ICA1: variants seen among roughly 807,000 people sequenced by gnomAD.
ICA1 encodes the protein islet cell autoantigen 1, also known as 69 kDa islet cell autoantigen.
In ICA1, 40 loss-of-function variants were observed where a neutral mutation model predicts 71.0. The ratio of observed to expected loss-of-function variants is 0.56; its 90% CI spans 0.44 to 0.73. The LOEUF (loss-of-function observed/expected upper bound fraction) is 0.73, where lower values mean the gene tolerates loss of function less well. Ranked by LOEUF, ICA1 falls within the 30% of genes least tolerant of loss-of-function variation. The pLI is 0.00. For synonymous variants in ICA1, 207 were observed against 209.5 expected, an observed-to-expected ratio of 0.99 and a Z score of 0.10; for missense variants, 578 against 576.5, an observed-to-expected ratio of 1.00 and a Z score of -0.03.
chr7:8,235,505 C>T (rs1417366772), intron 2 of ICA1, among the ~76,000 whole-genome samples: 9 of 152,144 alleles, frequency 5.9e-5, no homozygotes, highest in Non-Finnish European at 1.3e-4. Context: ...AAGCACGAGT[C>T]GTGTGTGGTT....
At chr7:8,169,259 A>AT (rs1238939003) in intron 6 of ICA1, among the ~76,000 whole-genome samples, 1 of 152,054 alleles carries the variant, frequency 6.6e-6, no homozygotes, top group African/African-American at 2.4e-5. Flanking sequence ...TTGTACATCA[A>AT]TTTTTTGGCT....
At chr7:8,236,599 C>T (rs1053884490) in intron 1 of ICA1, among the ~76,000 whole-genome samples, 25 of 152,156 alleles carry the variant, frequency 1.6e-4, no homozygotes, top group African/African-American at 6.0e-4. Flanking sequence ...ATTTTAAAAC[C>T]CCAAATAAAA....
chr7:8,206,986 C>A (rs1394894981), intron 6 of ICA1, among the ~76,000 whole-genome samples: 1 of 152,162 alleles, frequency 6.6e-6, no homozygotes, highest in Non-Finnish European at 1.5e-5. Flanking sequence ...CTGAGTCCCA[C>A]TTCTAGTGGT....
chr7:8,190,049 T>C (rs1785100543), intron 6 of ICA1, among the ~76,000 whole-genome samples: 1 of 152,208 alleles, frequency 6.6e-6, no homozygotes. Context: ...CTGAGTAATA[T>C]TATGCAGTAG....
chr7:8,164,060 C>G (rs1166560978), intron 6 of ICA1, among the ~76,000 whole-genome samples: 3 of 151,948 alleles, frequency 2.0e-5, no homozygotes, highest in Non-Finnish European at 4.4e-5. Context: ...GTAATCCGCA[C>G]TTTGGGAGCT....
At chr7:8,198,390 G>A (rs1485471905) in intron 6 of ICA1, among the ~76,000 whole-genome samples, 2 of 152,248 alleles carry the variant, frequency 1.3e-5, no homozygotes, top group South Asian at 2.1e-4. Context: ...GCTGAAAATA[G>A]TGTGAATTAA....
chr7:8,139,235 C>G (rs1426130114), intron 10 of ICA1, among the ~76,000 whole-genome samples, 188 bp from the exon 11 acceptor site: 2 of 152,184 alleles, frequency 1.3e-5, no homozygotes, highest in Non-Finnish European at 2.9e-5. Context: ...AAATTAACAG[C>G]CCTGAATCTT....
Position 8,164,642 on chromosome 7 carries a change from G to C in ICA1, c.580-5990C>G, listed in dbSNP as rs115970391. On this transcript the variant is annotated intron_variant, in intron 6 of 13. Transcript: ENST00000402384. ...TACTCCTCCGTCATTAACTGGATCT[G>C]TTCACCCCTATTTTCCCCTGAGGCA... 7.0e-3 allele frequency among the ~76,000 whole-genome samples: 1,070 copies of C among 152,290 alleles called. 18 individuals are homozygous for C. Among genetic ancestry groups the C allele is most frequent in the African/African-American group, 0.025 (1,038 of 41,548 alleles).
intron 6 of ICA1, among the ~76,000 whole-genome samples, chr7:8,212,328 G>A (rs1794059335): frequency 1.3e-5 from 2 of 152,152 alleles, no homozygotes; most frequent in South Asian, 4.1e-4. Flanking sequence ...ACTTTGGGAG[G>A]CCAAGGTGGG....
chr7:8,160,035 G>A (rs967098443), intron 6 of ICA1, among the ~76,000 whole-genome samples: 8 of 152,168 alleles, frequency 5.3e-5, no homozygotes, highest in African/African-American at 1.9e-4. Context: ...CCATGTCTAC[G>A]TTGTTCATCA....
intron 1 of ICA1, chr7:8,237,004 TC>T (rs1453009609): frequency 1.3e-5 from 2 of 152,226 alleles, no homozygotes; most frequent in African/African-American, 4.8e-5. Flanking sequence ...ATTAAAGCTT[TC>T]CTAGGCTATT....
chr7:8,235,241 TAAAG>T (rs1801481769), intron 2 of ICA1, among the ~76,000 whole-genome samples: 1 of 152,160 alleles, frequency 6.6e-6, no homozygotes, highest in Non-Finnish European at 1.5e-5. Flanking sequence ...TGATACAAAT[TAAAG>T]AAAATAAAAG....
intron 3 of ICA1, among the ~76,000 whole-genome samples, chr7:8,229,843 C>G (rs1263889478): frequency 6.6e-6 from 1 of 152,206 alleles, no homozygotes; most frequent in Non-Finnish European, 1.5e-5. Context: ...AATCAGCAGT[C>G]TGAATCTGTC....
intron 4 of ICA1, 112 bp from the exon 5 acceptor site, chr7:8,221,510 A>C: frequency 8.0e-7 from 1 of 1,243,434 alleles, no homozygotes; most frequent in Non-Finnish European, 1.1e-6. Context: ...AGACGAGATG[A>C]AATTAAATCT....
intron 6 of ICA1, among the ~76,000 whole-genome samples, chr7:8,190,175 G>T (rs1209236496): frequency 6.6e-6 from 1 of 151,654 alleles, no homozygotes; most frequent in Non-Finnish European, 1.5e-5. Context: ...CTTATACACA[G>T]CCTTAAGGCT....
chr7:8,195,251 G>A (rs896104235), intron 6 of ICA1, among the ~76,000 whole-genome samples: 1 of 152,212 alleles, frequency 6.6e-6, no homozygotes, highest in African/African-American at 2.4e-5. Flanking sequence ...TACAAAATGG[G>A]GCTGGGTGCG....
Position 8,251,343 on chromosome 7 carries a change from CCTT to C in ICA1, c.-80+10748_-80+10750del, listed in dbSNP as rs1168931849. On this transcript the variant is annotated intron_variant, in intron 1 of 13. Transcript: ENST00000402384. ...TATTTTGAAGGTTTCCCAATATGCT[CCTT>C]GATATAAATAAAAGCTGGTAAATCC... is the stretch of plus-strand genomic sequence containing the variant. Among the ~76,000 whole-genome samples, 21 of 151,348 alleles carry C rather than the reference CCTT, an allele frequency of 1.4e-4. No homozygotes were observed. The South Asian group carries it at 1.7e-3, about 12-fold the overall frequency.
chr7:8,176,754 C>A (rs1465216248), intron 6 of ICA1, among the ~76,000 whole-genome samples: 1 of 152,168 alleles, frequency 6.6e-6, no homozygotes, highest in African/African-American at 2.4e-5. Context: ...TCCTTACCAC[C>A]ACCACCACCA....
chr7:8,219,396 C>T (rs533153894), intron 5 of ICA1, among the ~76,000 whole-genome samples: 3 of 152,344 alleles, frequency 2.0e-5, no homozygotes, highest in South Asian at 4.1e-4. Flanking sequence ...CTAAAGGGAA[C>T]AATGGTGTCA....
Sources: allele counts gnomAD v4.1 joint callset (sites outside exome capture counted in the v4.1 genomes callset), GRCh38; gene constraint gnomAD v4.1.1; transcripts MANE v1.5; gene names NCBI Gene and HGNC (gene_info 2026-07-23, HGNC 2026-07-21).